The following CCDC82 variants were observed in gnomAD, a reference collection of about 807,000 sequenced individuals.
CCDC82 encodes the protein coiled-coil domain containing 82, also known as coiled-coil domain-containing protein 82.
In CCDC82, 47 loss-of-function variants were observed where a neutral mutation model predicts 60.6. The ratio of observed to expected loss-of-function variants is 0.77; its 90% CI spans 0.61 to 0.99. The LOEUF (loss-of-function observed/expected upper bound fraction) is 0.99. CCDC82 is among the 50% of genes least tolerant of loss of function. The pLI is 0.00. For missense variants in CCDC82, 588 were observed against 633.0 expected (o/e 0.93, Z 0.76); for synonymous variants, 212 against 207.4 (o/e 1.02, Z -0.19).
Position 96,371,337 on chromosome 11 carries a change from C to T in CCDC82, c.1085-200G>A, listed in dbSNP as rs183122372. 2.8e-3 allele frequency among the ~76,000 whole-genome samples: 422 copies of T among 152,248 alleles called. 3 individuals carry two copies. Among genetic ancestry groups the T allele is most frequent in the African/African-American group, 9.8e-3 (408 of 41,538 alleles). ...GTGCCTCATGCCTGTAATCCCAGCA[C>T]TTTGGGAGGCCGAGGTGGGTGCATT... is the stretch of plus-strand genomic sequence containing the variant. On this transcript the variant is annotated intron_variant, in intron 6 of 9. Coordinates refer to ENST00000646818, the MANE Select transcript of CCDC82 (RefSeq NM_024725.4).
chr11:96,368,258 G>A (rs774543204), intron 7 of CCDC82, among the ~76,000 whole-genome samples: 31 of 152,144 alleles, frequency 2.0e-4, no homozygotes, highest in African/African-American at 7.0e-4. Context: ...TGGGTGACCC[G>A]GTGCACTGTC....
intron 7 of CCDC82, among the ~76,000 whole-genome samples, chr11:96,366,775 T>A (rs1174760746): frequency 2.6e-5 from 4 of 152,224 alleles, no homozygotes; most frequent in Non-Finnish European, 5.9e-5. Flanking sequence ...ATAAAAAAAA[T>A]TTTAGTTTAC....
chr11:96,355,286 C>T (rs1454217422), intron 9 of CCDC82: 1 of 152,050 alleles, frequency 6.6e-6, no homozygotes, highest in Admixed American at 6.6e-5. Flanking sequence ...CCTTGAACTC[C>T]TGGGCTCAGG....
At chr11:96,366,243 C>A (rs1454769433) in intron 7 of CCDC82, among the ~76,000 whole-genome samples, 1 of 152,158 alleles carries the variant, frequency 6.6e-6, no homozygotes, top group Non-Finnish European at 1.5e-5. Flanking sequence ...TGAAAATAAA[C>A]TTTGTTGGGT....
rs777290067 is a variant in CCDC82, at chr11:96,365,038, C to T, written c.1322G>A (p.Gly441Glu). The T allele has an allele frequency of 1.9e-6, 3 of 1,610,686 alleles. No individual in the cohort carries two copies. Among genetic ancestry groups the T allele is most frequent in the African/African-American group, 2.7e-5 (2 of 74,832 alleles). ...CATGGTCCTGGTGTTATACAACTCT[C>T]CTGATAAATGCACTGAATATTTACA... is the stretch of plus-strand genomic sequence containing the variant. ...RYCKYSVHLS[G>E]ELYNTRTMQI... Residue 441 changes from glycine to glutamate, a missense_variant, in exon 8 of 10, where the codon GGA becomes GAA. Coordinates refer to ENST00000646818, the MANE Select transcript of CCDC82 (RefSeq NM_024725.4).
rs757815025 is a variant in CCDC82 at position 96,384,464 on chromosome 11, T to C, written c.284A>G (p.Asn95Ser). 1 of 1,613,854 alleles carries C rather than the reference T, an allele frequency of 6.2e-7. No individual in the cohort carries two copies. Among genetic ancestry groups the C allele is most frequent in the Non-Finnish European group, 8.5e-7 (1 of 1,179,830 alleles). Residue 95 changes from asparagine to serine, a missense_variant, in exon 4 of 10, where the codon AAT (asparagine) becomes AGT (serine). By Grantham distance (46) the Asn-to-Ser change is conservative. Coordinates refer to ENST00000646818, the MANE Select transcript of CCDC82 (RefSeq NM_024725.4). The part of the protein sequence containing the change: ...LNLSKIQSEG[N>S]DSKCLINSGN... ...AGAGTTAATGAGACACTTACTGTCA[T>C]TTCCTTCACTTTGAATTTTACTTAA...
Position 96,384,718 on chromosome 11 carries a change from CCTT to C in CCDC82, c.27_29del (p.Arg11del). The C allele has an allele frequency of 6.2e-7, 1 of 1,608,172 alleles. No individual in the cohort carries two copies. The highest frequency in any genetic ancestry group is 8.5e-7 in the Non-Finnish European group (1 of 1,178,052). On this transcript the variant is annotated inframe_deletion, in exon 4 of 10. Transcript: ENST00000646818. ...CAGGCACGTGACTCTTAGAATTTCTCCTTGTTTCATGTCTTCTAACATGTATCA... is the reference window on the plus strand; with the variant it reads ...CAGGCACGTGACTCTTAGAATTTCTCGTTTCATGTCTTCTAACATGTATCA...
chr11:96,356,634 AC>A, intron 9 of CCDC82: 1 of 958,362 alleles, frequency 1.0e-6, no homozygotes, highest in Non-Finnish European at 1.2e-6. Context: ...TTAGAATAAG[AC>A]ATGCATTATT....
rs1444003296 is a variant in CCDC82, at chr11:96,352,984, G to GA, written c.*661dup. Reference sequence around the variant, plus strand: ...ATCAATATATAGACAAAATTGAATAGAAAAAAGTAAGAACATTATAAAGCA... The same window carrying GA: ...ATCAATATATAGACAAAATTGAATAGAAAAAAAGTAAGAACATTATAAAGCA... On this transcript the variant is annotated 3_prime_UTR_variant, in exon 10 of 10. Coordinates refer to ENST00000646818, the MANE Select transcript of CCDC82 (RefSeq NM_024725.4). The GA allele has an allele frequency of 3.3e-5, 5 of 152,076 alleles. No homozygotes were observed. Among genetic ancestry groups the GA allele is most frequent in the Middle Eastern group, 3.4e-3 (1 of 294 alleles). The allele number at this position is 152,076 out of a possible 1,614,324, so 9.4% of individuals were successfully genotyped here.
chr11:96,374,900 C>T (rs1048985620), intron 5 of CCDC82, among the ~76,000 whole-genome samples: 2 of 151,762 alleles, frequency 1.3e-5, no homozygotes, highest in Non-Finnish European at 2.9e-5. Flanking sequence ...AATTTATTTA[C>T]ATTGCCACTA....
intron 9 of CCDC82, chr11:96,358,332 G>A: frequency 5.8e-6 from 7 of 1,205,858 alleles, no homozygotes; most frequent in South Asian, 8.6e-5. Flanking sequence ...AGCTCTGTGA[G>A]CAGACCAGAG....
intron 5 of CCDC82, among the ~76,000 whole-genome samples, chr11:96,378,073 C>T (rs1269323474): frequency 6.6e-6 from 1 of 152,026 alleles, no homozygotes; most frequent in Admixed American, 6.5e-5. Flanking sequence ...ATAGGGTCTT[C>T]GTTTGTAGTC....
chr11:96,363,478 ATAGT>A (rs1309010404), intron 8 of CCDC82: 2 of 152,228 alleles, frequency 1.3e-5, no homozygotes, highest in Non-Finnish European at 1.5e-5. Flanking sequence ...ACGTTTACAT[ATAGT>A]TATATACGCA....
At chr11:96,355,288 G>A (rs1377028746) in intron 9 of CCDC82, 1 of 152,008 alleles carries the variant, frequency 6.6e-6, no homozygotes, top group African/African-American at 2.4e-5. Flanking sequence ...TTGAACTCCT[G>A]GGCTCAGGCG....
chr11:96,389,776 C>T (rs2136238571), intron 1 of CCDC82, 68 bp downstream of exon 1: 1 of 152,516 alleles, frequency 6.6e-6, no homozygotes, highest in South Asian at 2.1e-4. Flanking sequence ...CTCTCATAAA[C>T]CATTAGCACC....
chr11:96,384,939 C>T (rs1468499124), intron 3 of CCDC82, 178 bp from the exon 4 acceptor site: 6 of 496,536 alleles, frequency 1.2e-5, no homozygotes, highest in Non-Finnish European at 2.1e-5. Context: ...ACTGAATGCC[C>T]ATGAAATAAT....
In CCDC82 at chr11:96,353,436, T is replaced by C. The variant is rs1315747893; in HGVS notation, c.*210A>G. On this transcript the variant is annotated 3_prime_UTR_variant, in exon 10 of 10. Transcript: ENST00000646818. ...TAAAATATATTTACAGACTTAAAAA[T>C]TAAGATAATGCTTTTATGTACATCA... 2.1e-6 allele frequency: 1 copy of C among 470,300 alleles called. No homozygotes were observed. The highest frequency in any genetic ancestry group is 2.0e-5 in the African/African-American group (1 of 50,134). The allele number at this position is 470,300 out of a possible 1,614,324, so 29.1% of individuals were successfully genotyped here.
chr11:96,367,012 A>C (rs1436185306), intron 7 of CCDC82, among the ~76,000 whole-genome samples: 2 of 152,248 alleles, frequency 1.3e-5, no homozygotes, highest in Non-Finnish European at 2.9e-5. Flanking sequence ...TTTAAACTAC[A>C]TTTAATTAAA....
intron 5 of CCDC82, among the ~76,000 whole-genome samples, chr11:96,377,263 G>A (rs891593398): frequency 3.3e-5 from 5 of 152,032 alleles, no homozygotes; most frequent in Admixed American, 6.6e-5. Context: ...GATATGCTAC[G>A]TCTACTCCTG....
Sources: gnomAD v4.1 joint callset for allele counts (sites outside exome capture counted in the v4.1 genomes callset) on GRCh38, gnomAD v4.1.1 for gene constraint, MANE v1.5 for transcripts, NCBI Gene and HGNC (gene_info 2026-07-23, HGNC 2026-07-21) for gene names.